The following DOCK8 variants were observed in gnomAD, a reference collection of about 807,000 sequenced individuals.
DOCK8 encodes dedicator of cytokinesis 8.
In DOCK8, 141 loss-of-function variants were observed where a neutral mutation model predicts 245.6. That is an observed-to-expected ratio of 0.57 (90% CI 0.50 to 0.66). DOCK8 has a LOEUF of 0.66. Ranked by LOEUF, DOCK8 falls within the 30% of genes least tolerant of loss-of-function variation. The pLI is 0.00. For missense variants in DOCK8, 2,965 were observed against 2,603.4 expected (o/e 1.14, Z -3.02); for synonymous variants, 1,168 against 970.2 (o/e 1.20, Z -3.79).
At chr9:235,823 A>G (rs2047232122) in intron 1 of DOCK8, among the ~76,000 whole-genome samples, 1 of 152,172 alleles carries the variant, frequency 6.6e-6, no homozygotes, top group Non-Finnish European at 1.5e-5. Flanking sequence ...TGACTAGGAA[A>G]GGGAATTCCC....
At chr9:344,998 G>A (rs1260980338) in intron 14 of DOCK8, among the ~76,000 whole-genome samples, 1 of 152,166 alleles carries the variant, frequency 6.6e-6, no homozygotes, top group East Asian at 1.9e-4. Context: ...GTTGCAGTGA[G>A]CTGAGATCCT....
chr9:304,679 T>C lies in DOCK8; in HGVS notation c.503T>C (p.Leu168Ser). The part of the protein sequence containing the change: ...LPKQTFESET[L>S]ECSEPAAQAG... ...AAACAGACGTTTGAGTCGGAAACCT[T>C]GGAGTGCAGTGAACCCGCTGCTCAG... The change falls in exon 5 of 48, where the codon TTG (leucine) becomes TCG (serine). Residue 168 changes from leucine (L) to serine (S), a missense_variant. Transcript: ENST00000432829. 1 of 1,614,180 alleles carries C rather than the reference T, an allele frequency of 6.2e-7. No individual in the cohort carries two copies. Among genetic ancestry groups the C allele is most frequent in the Non-Finnish European group, 8.5e-7 (1 of 1,180,020 alleles).
intron 1 of DOCK8, among the ~76,000 whole-genome samples, chr9:231,308 T>G (rs959196200): frequency 2.8e-4 from 42 of 152,284 alleles, no homozygotes; most frequent in Non-Finnish European, 4.7e-4. Context: ...ACTGTAGCCT[T>G]GTAGTATAGT....
chr9:280,785 C>G (rs1381358173), intron 2 of DOCK8: 2 of 152,222 alleles, frequency 1.3e-5, no homozygotes, highest in Non-Finnish European at 2.9e-5. Flanking sequence ...CCCTTCTGTC[C>G]TCCAGCTCTT....
At chr9:272,001 A>G (rs971541324) in intron 2 of DOCK8, among the ~76,000 whole-genome samples, 2 of 152,126 alleles carry the variant, frequency 1.3e-5, no homozygotes, top group East Asian at 3.9e-4. Context: ...CATCCAAATT[A>G]TGGTTCATAT....
At chr9:318,019 T>G (rs2050421912) in intron 7 of DOCK8, among the ~76,000 whole-genome samples, 1 of 152,176 alleles carries the variant, frequency 6.6e-6, no homozygotes, top group East Asian at 1.9e-4. Flanking sequence ...TTTTGTACTT[T>G]CATATTAAAA....
rs991177118 is a variant in DOCK8 at position 271,736 on chromosome 9, A to G, written c.156+7A>G. The G allele has an allele frequency of 1.0e-5, 16 of 1,544,564 alleles. No individual in the cohort carries two copies. Among genetic ancestry groups the G allele is most frequent in the Middle Eastern group, 1.7e-4 (1 of 6,004 alleles). ...CTTCCCCTCTCTTCAACTAGTAAGT[A>G]TGAGTTCCAGGTTTACTTAGCGATT... On this transcript the variant is annotated splice_region_variant and intron_variant, in intron 2 of 47. Transcript: ENST00000432829.
At chr9:286,306 T>G (rs2130288158) in intron 2 of DOCK8, among the ~76,000 whole-genome samples, 155 bp from the exon 3 acceptor site, 1 of 152,320 alleles carries the variant, frequency 6.6e-6, no homozygotes, top group South Asian at 2.1e-4. Flanking sequence ...ACTACTTCTG[T>G]GTTTGACAGC....
intron 24 of DOCK8, among the ~76,000 whole-genome samples, chr9:396,132 C>T (rs2054443798): frequency 6.6e-6 from 1 of 151,828 alleles, no homozygotes; most frequent in African/African-American, 2.4e-5. Context: ...CAAAATTTCC[C>T]CTAGAGGTAA....
intron 2 of DOCK8, among the ~76,000 whole-genome samples, chr9:278,343 A>G (rs2048441402): frequency 6.6e-6 from 1 of 152,256 alleles, no homozygotes; most frequent in African/African-American, 2.4e-5. Flanking sequence ...GAAGAACTTT[A>G]CTGCCTTCAG....
chr9:281,160 A>G (rs2048565637), intron 2 of DOCK8, among the ~76,000 whole-genome samples: 1 of 152,122 alleles, frequency 6.6e-6, no homozygotes, highest in Non-Finnish European at 1.5e-5. Flanking sequence ...AGGCTGAGGC[A>G]CAAGAATTTC....
At chr9:255,241 T>C (rs1413835487) in intron 1 of DOCK8, among the ~76,000 whole-genome samples, 1 of 152,200 alleles carries the variant, frequency 6.6e-6, no homozygotes, top group Non-Finnish European at 1.5e-5. Flanking sequence ...AGATCATCCT[T>C]ATAACGATCC....
chr9:362,222 G>C (rs1320235108), intron 14 of DOCK8, among the ~76,000 whole-genome samples: 2 of 152,134 alleles, frequency 1.3e-5, no homozygotes, highest in Non-Finnish European at 2.9e-5. Flanking sequence ...CCAGTACCAG[G>C]AATGGCCGAT....
intron 24 of DOCK8, among the ~76,000 whole-genome samples, chr9:393,874 T>C (rs1269472797): frequency 6.6e-6 from 1 of 152,140 alleles, no homozygotes; most frequent in Non-Finnish European, 1.5e-5. Flanking sequence ...GCTCAGCATG[T>C]ATGGGAGGTT....
At chr9:423,736 G>A (rs963240605) in intron 33 of DOCK8, among the ~76,000 whole-genome samples, 1 of 152,052 alleles carries the variant, frequency 6.6e-6, no homozygotes, top group Non-Finnish European at 1.5e-5. Flanking sequence ...TACTTGGATC[G>A]GAGAGTCCAT....
At chr9:259,418 T>G (rs946227134) in intron 1 of DOCK8, among the ~76,000 whole-genome samples, 1 of 152,228 alleles carries the variant, frequency 6.6e-6, no homozygotes. Flanking sequence ...AATAATGTAC[T>G]TAGATTTAAA....
At position 432,320 on chromosome 9, in the gene DOCK8, C is replaced by G. The variant is rs760516799; in HGVS notation, c.4781C>G (p.Thr1594Ser). 6.2e-7 allele frequency: 1 copy of G among 1,613,914 alleles called. No homozygotes were observed. The highest frequency in any genetic ancestry group is 1.1e-5 in the South Asian group (1 of 91,080). The change falls in exon 37 of 48, where the codon ACC (threonine) becomes AGC (serine). Residue 1594 changes from threonine to serine, a missense_variant. By Grantham distance (58) the Thr-to-Ser change is moderately conservative. This residue lies in a region of DOCK8 where 2,825 missense variants were observed against 2,453.5 expected (regional missense o/e 1.15). Transcript: ENST00000432829. The stretch of plus-strand genomic sequence containing the variant: ...GCCATGCAGATGACTCCTTTTCCCA[C>G]CCAGGTACACCGAAGCACATACCTT... Reference protein sequence around the residue: ...DTAMQMTPFPTQVEELLCNLN... With the variant: ...DTAMQMTPFPSQVEELLCNLN...
At chr9:436,475 A>T (rs1308853250) in intron 39 of DOCK8, among the ~76,000 whole-genome samples, 1 of 152,146 alleles carries the variant, frequency 6.6e-6, no homozygotes, top group Non-Finnish European at 1.5e-5. Flanking sequence ...AAGGTTTAGC[A>T]CTTCATATTG....
chr9:429,086 G>A (rs2056609702), intron 35 of DOCK8, among the ~76,000 whole-genome samples: 1 of 152,174 alleles, frequency 6.6e-6, no homozygotes, highest in African/African-American at 2.4e-5. Flanking sequence ...TCATGCCTCA[G>A]CCTCCTGAGT....
Sources: gnomAD v4.1 joint callset for allele counts (sites outside exome capture counted in the v4.1 genomes callset) on GRCh38, gnomAD v4.1.1 for gene constraint, gnomAD v4.1.1 regional missense constraint, MANE v1.5 for transcripts, NCBI Gene and HGNC (gene_info 2026-07-23, HGNC 2026-07-21) for gene names.